Variants in WRAP53 observed in about 807,000 individuals in gnomAD.
WRAP53 encodes the protein telomerase Cajal body protein 1.
Under a neutral mutation model 56.6 loss-of-function variants are expected in WRAP53, and 28 were observed. That is an observed-to-expected ratio of 0.50 (90% CI 0.37 to 0.68). The LOEUF is 0.68. WRAP53 is among the 30% of genes least tolerant of loss of function. WRAP53 has a pLI of 0.00. For synonymous variants in WRAP53, 283 were observed against 283.4 expected (o/e 1.00, Z 0.01); for missense variants, 671 against 715.5 (o/e 0.94, Z 0.71).
chr17:7,687,672 C>T (rs976382456), upstream of WRAP53: 1 of 398,360 alleles, frequency 2.5e-6, no homozygotes, highest in Non-Finnish European at 4.4e-6. Flanking sequence ...AGTCAGGATT[C>T]TCGCCGACCT....
At chr17:7,693,322 C>T (rs2074139895) in intron 4 of WRAP53, among the ~76,000 whole-genome samples, 1 of 152,072 alleles carries the variant, frequency 6.6e-6, no homozygotes, top group African/African-American at 2.4e-5. Context: ...TGCATCTTTC[C>T]TGGCAAGTTA....
chr17:7,692,852 C>T (rs1225907477), intron 4 of WRAP53, among the ~76,000 whole-genome samples: 1 of 148,224 alleles, frequency 6.7e-6, no homozygotes, highest in African/African-American at 2.5e-5. Context: ...CCCGGGATCA[C>T]GCCATTCTCC....
At position 7,691,839 on chromosome 17, in the gene WRAP53, T is replaced by TG; in HGVS notation, c.642+2138_642+2139insG. On this transcript the variant is annotated intron_variant, in intron 4 of 10. Coordinates refer to ENST00000396463, the MANE Select transcript of WRAP53 (RefSeq NM_001143992.2). ...CATGCCAGGCCATGAGAGAGGTTTTTTTTGTTTGTTTGTTTGAGACAGAGT... is the reference window on the plus strand; with the variant it reads ...CATGCCAGGCCATGAGAGAGGTTTTTGTTTGTTTGTTTGTTTGAGACAGAGT... Among the ~76,000 whole-genome samples, 2 of 149,946 alleles carry TG rather than the reference T, an allele frequency of 1.3e-5. 1 individual carries two copies. The highest frequency in any genetic ancestry group is 3.0e-5 in the Non-Finnish European group (2 of 67,570).
Position 7,701,840 on chromosome 17 carries a change from T to C in WRAP53, c.955+51T>C, listed in dbSNP as rs772397891. On this transcript the variant is annotated intron_variant, in intron 7 of 10. Coordinates refer to ENST00000396463, the MANE Select transcript of WRAP53 (RefSeq NM_001143992.2). This position sits in a 1 kb window ranked among gnomAD's most constrained non-coding sequence, Gnocchi z 4.2. The stretch of plus-strand genomic sequence containing the variant: ...GAGGAGAGGGAAGGGCACTGCCACC[T>C]GCACAGGGGCCTTTTGTGAGCCGGG... 1 of 1,593,050 alleles carries C rather than the reference T, an allele frequency of 6.3e-7. No individual in the cohort carries two copies. The highest frequency in any genetic ancestry group is 1.1e-5 in the South Asian group (1 of 88,826).
At chr17:7,699,502 T>TTATA (rs1172959796) in intron 4 of WRAP53, among the ~76,000 whole-genome samples, 139 of 11,750 alleles carry the variant, frequency 0.012, 8 homozygotes, top group Middle Eastern at 0.077. Flanking sequence ...ATATATATAT[T>TTATA]TATATATATA....
At position 7,702,705 on chromosome 17, in the gene WRAP53, C is replaced by CT. The variant is rs1437915045; in HGVS notation, c.1165-35dup. The CT allele has an allele frequency of 6.2e-7, 1 of 1,609,534 alleles. No individual in the cohort carries two copies. Among genetic ancestry groups the CT allele is most frequent in the Non-Finnish European group, 8.5e-7 (1 of 1,178,638 alleles). ...CCGAGGGAGGCAGGGACATCCAGGG[C>CT]TTTGGGGGTGACTCCAGGTCCTGTT... On this transcript the variant is annotated intron_variant, in intron 8 of 10. Transcript: ENST00000396463. The surrounding 1 kb of genome is among the most constrained non-coding windows in gnomAD (Gnocchi z 5.0).
intron 4 of WRAP53, 65 bp from the exon 5 acceptor site, chr17:7,700,676 A>T: frequency 9.1e-7 from 1 of 1,096,894 alleles, no homozygotes; most frequent in Non-Finnish European, 1.4e-6. Flanking sequence ...CAACACTGCT[A>T]GAGGCACGCG....
At chr17:7,689,475 TC>T in intron 3 of WRAP53, 114 bp from the exon 4 acceptor site, 1 of 1,273,256 alleles carries the variant, frequency 7.9e-7, no homozygotes, top group Non-Finnish European at 1.1e-6. Flanking sequence ...GTTTGTGTCT[TC>T]TACTTCCCTC....
Position 7,703,394 on chromosome 17 carries a change from T to G in WRAP53, c.1555T>G (p.Cys519Gly), listed in dbSNP as rs2151097747. 1 of 1,612,538 alleles carries G rather than the reference T, an allele frequency of 6.2e-7. No individual in the cohort carries two copies. The highest frequency in any genetic ancestry group is 8.5e-7 in the Non-Finnish European group (1 of 1,179,508). The change falls in exon 11 of 11, where the codon TGT becomes GGT. Residue 519 changes from cysteine (C) to glycine (G), a missense_variant. This residue lies in a region of WRAP53 where 107 missense variants were observed against 81.3 expected (regional missense o/e 1.32). Transcript: ENST00000396463. Reference sequence around the variant, plus strand: ...TGAATGTCGGCTTCAGCTCTGGTGGTGTGGGGGGGCGCCAGACTCCAGCAT... The same window carrying G: ...TGAATGTCGGCTTCAGCTCTGGTGGGGTGGGGGGGCGCCAGACTCCAGCAT... ...HLECRLQLWW[C>G]GGAPDSSIPD...
rs765073967 is a variant in WRAP53 at position 7,688,733 on chromosome 17, G to A, written c.85G>A (p.Ala29Thr). ...AGCTCCAGCCCATCCTTCTCCCCAC[G>A]CTTCCCCGATGAATAAAAATGCGGA... ...DPAPAHPSPHASPMNKNADSE... is the reference protein window; with the variant it reads ...DPAPAHPSPHTSPMNKNADSE... Residue 29 changes from alanine (A) to threonine (T), a missense_variant, in exon 2 of 11, where the codon GCT becomes ACT. Physicochemically the swap from Ala to Thr is moderately conservative, Grantham distance 58. This residue lies in a region of WRAP53 where 406 missense variants were observed against 418.5 expected (regional missense o/e 0.97). Transcript: ENST00000396463. 7.4e-6 allele frequency: 12 copies of A among 1,614,058 alleles called. No individual in the cohort carries two copies. In the South Asian group the frequency reaches 1.2e-4, roughly 16 times the overall value.
At chr17:7,695,198 G>A (rs1332094225) in intron 4 of WRAP53, among the ~76,000 whole-genome samples, 2 of 151,896 alleles carry the variant, frequency 1.3e-5, no homozygotes, top group African/African-American at 2.4e-5. Context: ...CTCGTGATCC[G>A]CCCGCCTTGG....
At chr17:7,693,184 C>CTTTTT (rs60578072) in intron 4 of WRAP53, among the ~76,000 whole-genome samples, 33 of 147,412 alleles carry the variant, frequency 2.2e-4, no homozygotes, top group Admixed American at 3.3e-4. Context: ...TCTTTTTTTT[C>CTTTTT]TTTTTTTTGA....
At chr17:7,697,463 G>C (rs949304599) in intron 4 of WRAP53, among the ~76,000 whole-genome samples, 2 of 152,062 alleles carry the variant, frequency 1.3e-5, no homozygotes, top group African/African-American at 4.8e-5. Context: ...TTTGAGACCA[G>C]CCTGGCCAAC....
chr17:7,697,432 C>T (rs1259843678), intron 4 of WRAP53, among the ~76,000 whole-genome samples: 2 of 151,970 alleles, frequency 1.3e-5, no homozygotes, highest in Non-Finnish European at 2.9e-5. Flanking sequence ...CCGAGGTAGG[C>T]AGATCACTTG....
In WRAP53 at chr17:7,689,083, A is replaced by G; in HGVS notation, c.431+4A>G. The G allele has an allele frequency of 6.2e-7, 1 of 1,614,096 alleles. No individual in the cohort carries two copies. Among genetic ancestry groups the G allele is most frequent in the Non-Finnish European group, 8.5e-7 (1 of 1,179,976 alleles). Reference sequence around the variant, plus strand: ...CTGCAGAGGACGAGGGAGACACGTAAGTGGTGATGGCAGTGGAGTGTGGAG... The same window carrying G: ...CTGCAGAGGACGAGGGAGACACGTAGGTGGTGATGGCAGTGGAGTGTGGAG... On this transcript the variant is annotated splice_donor_region_variant and intron_variant, in intron 2 of 10. Transcript: ENST00000396463.
At chr17:7,699,414 TG>T (rs2074227656) in intron 4 of WRAP53, among the ~76,000 whole-genome samples, 1 of 132,524 alleles carries the variant, frequency 7.5e-6, no homozygotes, top group Non-Finnish European at 1.6e-5. Flanking sequence ...AGTGAGACTC[TG>T]CCTTTAAAAT....
In WRAP53 at chr17:7,702,643, G is replaced by C; in HGVS notation, c.1164+91G>C. 1 of 1,596,930 alleles carries C rather than the reference G, an allele frequency of 6.3e-7. No individual in the cohort carries two copies. The highest frequency in any genetic ancestry group is 8.5e-7 in the Non-Finnish European group (1 of 1,174,988). On this transcript the variant is annotated intron_variant, in intron 8 of 10. Transcript: ENST00000396463. The surrounding 1 kb of genome is among the most constrained non-coding windows in gnomAD (Gnocchi z 5.0). ...CAGTGTAGGGGAATGGGTGGGGATG[G>C]GGAAAAAATCCCAAGCTGAAGGAGT...
intron 4 of WRAP53, among the ~76,000 whole-genome samples, chr17:7,694,673 C>T (rs1240903684): frequency 1.3e-5 from 2 of 152,090 alleles, no homozygotes; most frequent in African/African-American, 4.8e-5. Flanking sequence ...GTAACACAGC[C>T]AGATCCTGTC....
chr17:7,696,024 G>C (rs2074178908), intron 4 of WRAP53, among the ~76,000 whole-genome samples: 1 of 152,112 alleles, frequency 6.6e-6, no homozygotes, highest in Admixed American at 6.6e-5. Context: ...TAGGTATGAC[G>C]GAAGGGGAGT....
Sources: gnomAD v4.1 joint callset for allele counts (sites outside exome capture counted in the v4.1 genomes callset) on GRCh38, gnomAD v4.1.1 for gene constraint, gnomAD v4.1.1 regional missense constraint, Gnocchi (gnomAD v3.1) non-coding constraint, MANE v1.5 for transcripts, NCBI Gene and HGNC (gene_info 2026-07-23, HGNC 2026-07-21) for gene names.